The following RNF130 variants were observed in gnomAD, a reference collection of about 807,000 sequenced individuals.
RNF130 encodes the protein E3 ubiquitin-protein ligase RNF130.
A neutral mutation model predicts 44.6 loss-of-function variants in RNF130; 21 were observed. That is an observed-to-expected ratio of 0.47 (90% CI 0.33 to 0.68). The LOEUF (loss-of-function observed/expected upper bound fraction) is 0.68. Ranked by LOEUF, RNF130 falls within the 30% of genes least tolerant of loss-of-function variation. The pLI is 0.02. For synonymous variants in RNF130, 214 were observed against 210.4 expected (o/e 1.02, Z -0.15); for missense variants, 479 against 560.6 (o/e 0.85, Z 1.47).
At chr5:179,938,701 A>C (rs1761932339) in intron 7 of RNF130, among the ~76,000 whole-genome samples, 1 of 152,202 alleles carries the variant, frequency 6.6e-6, no homozygotes, top group African/African-American at 2.4e-5. Context: ...CACAATTAGA[A>C]AACATCCTTA....
At chr5:180,040,421 A>G in intron 2 of RNF130, 32 bp downstream of exon 2, 3 of 1,590,728 alleles carry the variant, frequency 1.9e-6, no homozygotes, top group Non-Finnish European at 2.6e-6. Context: ...CTAAGAAGAA[A>G]AACAAAATCA....
intron 3 of RNF130, among the ~76,000 whole-genome samples, chr5:179,997,467 A>T (rs981770802): frequency 2.7e-5 from 4 of 150,794 alleles, no homozygotes; most frequent in African/African-American, 9.8e-5. Flanking sequence ...GGGACTACAG[A>T]CTCCCACCAC....
intron 3 of RNF130, among the ~76,000 whole-genome samples, chr5:179,999,578 C>T (rs914515756): frequency 1.8e-4 from 28 of 151,938 alleles, no homozygotes; most frequent in African/African-American, 3.1e-4. Context: ...AAAAATTAGC[C>T]GGGCTTGGTG....
intron 7 of RNF130, among the ~76,000 whole-genome samples, chr5:179,931,074 A>C (rs923320631): frequency 2.6e-5 from 4 of 151,162 alleles, no homozygotes; most frequent in African/African-American, 9.7e-5. Flanking sequence ...ATAGGTGTTG[A>C]ATTTTAGCAA....
intron 3 of RNF130, among the ~76,000 whole-genome samples, chr5:179,981,018 G>T (rs142463632): frequency 6.6e-6 from 1 of 152,254 alleles, no homozygotes; most frequent in Non-Finnish European, 1.5e-5. Context: ...GGGGAGGAAC[G>T]TCAGGGAAGG....
At chr5:180,061,501 A>C (rs1234860155) in intron 1 of RNF130, among the ~76,000 whole-genome samples, 3 of 152,202 alleles carry the variant, frequency 2.0e-5, no homozygotes, top group African/African-American at 4.8e-5. Context: ...TGGTGTGAGC[A>C]GGGCTGATTC....
intron 7 of RNF130, among the ~76,000 whole-genome samples, chr5:179,929,780 G>A (rs1170545216): frequency 6.6e-6 from 1 of 151,648 alleles, no homozygotes; most frequent in African/African-American, 2.4e-5. Flanking sequence ...AATTGGTCCA[G>A]TTTCAATACA....
At chr5:180,048,645 G>C (rs1163595201) in intron 1 of RNF130, among the ~76,000 whole-genome samples, 1 of 152,102 alleles carries the variant, frequency 6.6e-6, no homozygotes. Context: ...CTCAAAAACG[G>C]GAAGAGGGAA....
intron 4 of RNF130, among the ~76,000 whole-genome samples, chr5:179,979,649 A>T (rs1762788429): frequency 6.6e-6 from 1 of 152,148 alleles, no homozygotes; most frequent in Non-Finnish European, 1.5e-5. Flanking sequence ...TCTCCGCCAC[A>T]GCATCCTGAC....
At chr5:179,987,923 TTTC>T (rs1324772989) in intron 3 of RNF130, among the ~76,000 whole-genome samples, 11 of 152,228 alleles carry the variant, frequency 7.2e-5, no homozygotes, top group African/African-American at 2.7e-4. Flanking sequence ...GGCCTGCCAT[TTTC>T]TTATTTCGTT....
At chr5:180,013,949 G>A (rs1361037709) in intron 2 of RNF130, among the ~76,000 whole-genome samples, 1 of 152,196 alleles carries the variant, frequency 6.6e-6, no homozygotes. Context: ...AGTGACATCT[G>A]AAACTAACTT....
intron 1 of RNF130, among the ~76,000 whole-genome samples, chr5:180,065,538 A>G (rs1765083632): frequency 6.6e-6 from 1 of 152,188 alleles, no homozygotes; most frequent in Non-Finnish European, 1.5e-5. Context: ...AGACAGGCGG[A>G]TCATGAGGTC....
intron 1 of RNF130, among the ~76,000 whole-genome samples, chr5:180,060,868 G>A (rs1764965126): frequency 1.3e-5 from 2 of 152,066 alleles, no homozygotes; most frequent in South Asian, 4.1e-4. Flanking sequence ...GGGCGATCGA[G>A]ACCATCCTGG....
chr5:179,975,045 G>A (rs559320284), intron 5 of RNF130, among the ~76,000 whole-genome samples: 50 of 152,374 alleles, frequency 3.3e-4, no homozygotes, highest in Non-Finnish European at 5.6e-4. Flanking sequence ...AATGCGGAGC[G>A]CCAGCCAGGC....
chr5:180,062,768 G>T (rs1037341397), intron 1 of RNF130, among the ~76,000 whole-genome samples: 2 of 152,210 alleles, frequency 1.3e-5, no homozygotes, highest in African/African-American at 4.8e-5. Flanking sequence ...ACCTGTACAA[G>T]TATCTGACTG....
exon 8 of RNF130, chr5:179,915,815 C>T (rs1761536692): frequency 7.9e-5 from 12 of 152,572 alleles, no homozygotes; most frequent in Admixed American, 7.9e-4. Context: ...TGACTGTTCC[C>T]TTGGGCCTCT....
At chr5:180,041,729 G>T (rs1418268605) in intron 1 of RNF130, among the ~76,000 whole-genome samples, 3 of 152,210 alleles carry the variant, frequency 2.0e-5, no homozygotes, top group African/African-American at 7.2e-5. Context: ...AAGGAAGTAA[G>T]GAAAGGGAAC....
intron 1 of RNF130, among the ~76,000 whole-genome samples, chr5:180,055,248 CAAAA>C (rs1205914690): frequency 0.21 from 4,334 of 20,248 alleles, 300 homozygotes; most frequent in South Asian, 0.3. Context: ...GGTTCTGTCT[CAAAA>C]AAAAAAAAAA....
chr5:179,986,189 G>A (rs1762947103), intron 3 of RNF130, among the ~76,000 whole-genome samples: 1 of 152,178 alleles, frequency 6.6e-6, no homozygotes, highest in Non-Finnish European at 1.5e-5. Flanking sequence ...AAAGTATAAA[G>A]TTTTTGTGCC....
Sources: allele counts gnomAD v4.1 joint callset (sites outside exome capture counted in the v4.1 genomes callset), GRCh38; gene constraint gnomAD v4.1.1; transcripts MANE v1.5; gene names NCBI Gene and HGNC (gene_info 2026-07-23, HGNC 2026-07-21).